The following TRMT9B variants were observed in gnomAD, a reference collection of about 807,000 sequenced individuals.
TRMT9B encodes the protein tRNA methyltransferase 9B (putative).
A neutral mutation model predicts 11.5 loss-of-function variants in TRMT9B; 16 were observed. The ratio of observed to expected loss-of-function variants is 1.39; its 90% CI spans 0.94 to 2.11. TRMT9B has a LOEUF of 2.11. Ranked by LOEUF, TRMT9B falls within the 30% of genes most tolerant of loss-of-function variation. TRMT9B has a pLI of 0.00. For missense variants in TRMT9B, 941 were observed against 553.8 expected (o/e 1.70, Z -7.02); for synonymous variants, 274 against 192.4 (o/e 1.42, Z -3.51).
intron 2 of TRMT9B, among the ~76,000 whole-genome samples, chr8:12,996,361 A>G (rs1808338107): frequency 6.6e-6 from 1 of 151,948 alleles, no homozygotes; most frequent in Admixed American, 6.6e-5. Flanking sequence ...GAGCAAATGG[A>G]CTCTATTCTT....
intron 1 of TRMT9B, among the ~76,000 whole-genome samples, chr8:12,968,815 A>T (rs1403672525): frequency 6.6e-6 from 1 of 152,074 alleles, no homozygotes; most frequent in Non-Finnish European, 1.5e-5. Flanking sequence ...CATGCTGTTC[A>T]TTATCTACAC....
At chr8:12,969,110 G>C (rs914430862) in intron 1 of TRMT9B, among the ~76,000 whole-genome samples, 2 of 152,190 alleles carry the variant, frequency 1.3e-5, no homozygotes, top group Admixed American at 1.3e-4. Flanking sequence ...CTACTCGGGA[G>C]GCTGAGGCAG....
At chr8:12,997,805 G>C in intron 2 of TRMT9B, among the ~76,000 whole-genome samples, 1 of 152,306 alleles carries the variant, frequency 6.6e-6, no homozygotes, top group Non-Finnish European at 1.5e-5. Flanking sequence ...CATATGTGTA[G>C]CTTTAGTTGT....
At chr8:12,985,416 C>G (rs187503466) in intron 1 of TRMT9B, among the ~76,000 whole-genome samples, 1 of 152,228 alleles carries the variant, frequency 6.6e-6, no homozygotes, top group East Asian at 1.9e-4. Flanking sequence ...AGCTGTTTTA[C>G]TGGCTCATTA....
At chr8:13,000,042 G>A (rs565421161) in intron 2 of TRMT9B, among the ~76,000 whole-genome samples, 20 of 152,204 alleles carry the variant, frequency 1.3e-4, no homozygotes, top group Non-Finnish European at 1.9e-4. Context: ...ATGATGAACT[G>A]AGCTTTTTAT....
chr8:12,952,720 A>G, intron 1 of TRMT9B: 1 of 976,560 alleles, frequency 1.0e-6, no homozygotes, highest in Non-Finnish European at 1.2e-6. Context: ...GATTTGTATG[A>G]TATTACTTGC....
At chr8:13,008,191 C>T (rs964122627) in intron 3 of TRMT9B, among the ~76,000 whole-genome samples, 2 of 152,192 alleles carry the variant, frequency 1.3e-5, no homozygotes, top group Non-Finnish European at 1.5e-5. Flanking sequence ...ATTGGGCTCA[C>T]GGCCAGCACA....
chr8:13,017,021 G>A (rs1294138317), intron 4 of TRMT9B, among the ~76,000 whole-genome samples: 1 of 151,444 alleles, frequency 6.6e-6, no homozygotes, highest in African/African-American at 2.4e-5. Flanking sequence ...CTACTCAGGA[G>A]GCTGAGGTAG....
rs1814348526 is a variant in TRMT9B at position 13,024,003 on chromosome 8, G to A, written c.*1959G>A. On this transcript the variant is annotated 3_prime_UTR_variant, in exon 5 of 5. Coordinates refer to ENST00000524591, the MANE Select transcript of TRMT9B (RefSeq NM_020844.3). ...TGGATGATTGAAAACATATATAAGTGGAGTATAAATTAAAAATTAATTTGG... is the reference window on the plus strand; with the variant it reads ...TGGATGATTGAAAACATATATAAGTAGAGTATAAATTAAAAATTAATTTGG... 1.2e-5 allele frequency: 2 copies of A among 165,562 alleles called. No individual in the cohort carries two copies. Among genetic ancestry groups the A allele is most frequent in the South Asian group, 4.2e-4 (2 of 4,752 alleles). The allele number at this position is 165,562 out of a possible 1,614,324, so 10.3% of individuals were successfully genotyped here.
At chr8:12,993,572 C>G (rs1364912476) in intron 2 of TRMT9B, among the ~76,000 whole-genome samples, 1 of 152,118 alleles carries the variant, frequency 6.6e-6, no homozygotes, top group Non-Finnish European at 1.5e-5. Flanking sequence ...AGCTGAGATA[C>G]TAGGGGATGG....
intron 1 of TRMT9B, among the ~76,000 whole-genome samples, chr8:12,971,418 G>C (rs1803608559): frequency 6.6e-6 from 1 of 152,130 alleles, no homozygotes; most frequent in Non-Finnish European, 1.5e-5. Context: ...TCATAATAAT[G>C]AAATCCTCTG....
Position 13,028,617 on chromosome 8 carries a change from C to T in TRMT9B, c.*6573C>T, listed in dbSNP as rs1815003586. The T allele has an allele frequency of 6.8e-6, 1 of 146,806 alleles. No homozygotes were observed. The highest frequency in any genetic ancestry group is 2.6e-5 in the African/African-American group (1 of 38,828). The allele number at this position is 146,806 out of a possible 1,614,324, so 9.1% of individuals were successfully genotyped here. On this transcript the variant is annotated 3_prime_UTR_variant, in exon 5 of 5. Transcript: ENST00000524591. Reference sequence around the variant, plus strand: ...TTGAGACAGTGTCTCACTCTGTCACCCAGGCTGGAGGGCAGTAGTGCAGTC... The same window carrying T: ...TTGAGACAGTGTCTCACTCTGTCACTCAGGCTGGAGGGCAGTAGTGCAGTC...
intron 3 of TRMT9B, among the ~76,000 whole-genome samples, chr8:13,008,056 G>A (rs2954189): frequency 0.5 from 76,497 of 152,060 alleles, 20,056 homozygotes; most frequent in African/African-American, 0.65. Flanking sequence ...TAGGGGAAAT[G>A]TTGGATTAGG....
intron 1 of TRMT9B, among the ~76,000 whole-genome samples, chr8:12,957,961 C>A (rs1268291449): frequency 1.3e-5 from 2 of 152,162 alleles, no homozygotes; most frequent in Admixed American, 1.3e-4. Flanking sequence ...CTCCTCCTCA[C>A]AGTACCTTTT....
At chr8:12,999,714 A>C (rs1426256549) in intron 2 of TRMT9B, among the ~76,000 whole-genome samples, 1 of 152,186 alleles carries the variant, frequency 6.6e-6, no homozygotes, top group Non-Finnish European at 1.5e-5. Flanking sequence ...GAAATACTTA[A>C]GCCATTATAA....
chr8:13,002,957 C>G (rs1327683338), intron 2 of TRMT9B, among the ~76,000 whole-genome samples: 1 of 152,048 alleles, frequency 6.6e-6, no homozygotes, highest in Non-Finnish European at 1.5e-5. Context: ...TCAGGGTGAT[C>G]ACTCCCTCTG....
At chr8:12,950,247 T>A (rs1437706633) in intron 1 of TRMT9B, among the ~76,000 whole-genome samples, 1 of 152,200 alleles carries the variant, frequency 6.6e-6, no homozygotes, top group Non-Finnish European at 1.5e-5. Context: ...TCCCTTATGT[T>A]TTCCTACAAA....
chr8:13,013,697 A>G (rs1466783546), intron 4 of TRMT9B, among the ~76,000 whole-genome samples: 1 of 152,242 alleles, frequency 6.6e-6, no homozygotes, highest in Non-Finnish European at 1.5e-5. Context: ...TCATGCCTGT[A>G]ATCCCAACCC....
intron 2 of TRMT9B, among the ~76,000 whole-genome samples, chr8:12,997,120 G>A (rs561111871): frequency 3.9e-5 from 6 of 152,062 alleles, no homozygotes; most frequent in East Asian, 1.9e-4. Context: ...TTTGTGGAAT[G>A]TATATCATTT....
Sources: allele counts gnomAD v4.1 joint callset (sites outside exome capture counted in the v4.1 genomes callset), GRCh38; gene constraint gnomAD v4.1.1; transcripts MANE v1.5; gene names NCBI Gene and HGNC (gene_info 2026-07-23, HGNC 2026-07-21).